Variants in SBK1 observed in about 807,000 individuals in gnomAD.
SBK1 encodes SH3 domain binding kinase 1, also known as serine/threonine-protein kinase SBK1.
SBK1 carries 11 observed loss-of-function variants against 24.4 expected under a neutral mutation model. The ratio of observed to expected loss-of-function variants is 0.45; its 90% CI spans 0.28 to 0.75. SBK1 has a LOEUF of 0.75. SBK1 is among the 30% of genes least tolerant of loss of function. The pLI is 0.12. For missense variants in SBK1, 467 were observed against 620.5 expected (o/e 0.75, Z 2.63); for synonymous variants, 308 against 284.4 (o/e 1.08, Z -0.83).
chr16:28,280,149 A>ATATATATATGTGTGTGTGTGTGTGTGTG (rs1230385223), intron 1 of SBK1, among the ~76,000 whole-genome samples: 18 of 39,376 alleles, frequency 4.6e-4, no homozygotes, highest in Non-Finnish European at 9.8e-4. Flanking sequence ...ATATATATAT[A>ATATATATATGTGTGTGTGTGTGTGTGTG]TGTGTGTGTG....
intron 1 of SBK1, among the ~76,000 whole-genome samples, chr16:28,279,752 A>C (rs1347809055): frequency 6.6e-6 from 1 of 152,064 alleles, no homozygotes; most frequent in East Asian, 1.9e-4. Context: ...TCCTGAGTCC[A>C]GGGTCGGCAC....
intron 1 of SBK1, among the ~76,000 whole-genome samples, chr16:28,276,192 C>T (rs533828527): frequency 1.1e-4 from 16 of 152,148 alleles, no homozygotes; most frequent in Non-Finnish European, 2.4e-4. Flanking sequence ...GGGAAGTCAT[C>T]CCAGACCTTG....
At chr16:28,277,064 G>C (rs375157495) in intron 1 of SBK1, among the ~76,000 whole-genome samples, 2 of 152,136 alleles carry the variant, frequency 1.3e-5, no homozygotes, top group Admixed American at 6.6e-5. Flanking sequence ...ACTCAGAGCA[G>C]GTGAGGTGTG....
intron 1 of SBK1, among the ~76,000 whole-genome samples, chr16:28,281,849 G>A (rs992892801): frequency 6.6e-6 from 1 of 152,168 alleles, no homozygotes; most frequent in Non-Finnish European, 1.5e-5. Flanking sequence ...AGCCAGGTGG[G>A]TGTCCCAGGC....
intron 1 of SBK1, among the ~76,000 whole-genome samples, chr16:28,307,670 A>AT (rs2044726509): frequency 6.6e-6 from 1 of 150,378 alleles, no homozygotes; most frequent in Non-Finnish European, 1.5e-5. Context: ...AACCCGGGAG[A>AT]CAGAGGTTGC....
At chr16:28,295,511 C>A (rs759348546) in intron 1 of SBK1, among the ~76,000 whole-genome samples, 1 of 152,096 alleles carries the variant, frequency 6.6e-6, no homozygotes, top group South Asian at 2.1e-4. Flanking sequence ...TCTACATGTG[C>A]AGTGAGAGTT....
intron 1 of SBK1, among the ~76,000 whole-genome samples, chr16:28,265,204 G>T (rs2044420768): frequency 6.6e-6 from 1 of 151,814 alleles, no homozygotes; most frequent in Non-Finnish European, 1.5e-5. Flanking sequence ...ATCACTTAAG[G>T]CCAGGAGTTT....
rs73533413 is a variant in SBK1, at chr16:28,272,593, T to C, written c.257+13091T>C. ...CTTGAGTTTCATCTATGTTGTCACA[T>C]ATTTTTTTTCTTTCTTTCTTTCTTT... On this transcript the variant is annotated intron_variant, in intron 1 of 3. Transcript: ENST00000671413. 8.3e-3 allele frequency among the ~76,000 whole-genome samples: 1,245 copies of C among 150,740 alleles called. 12 individuals carry two copies. The highest frequency in any genetic ancestry group is 0.028 in the African/African-American group (1,125 of 40,780).
intron 1 of SBK1, among the ~76,000 whole-genome samples, chr16:28,272,619 CTTT>C (rs71140961): frequency 8.2e-4 from 87 of 105,962 alleles, no homozygotes; most frequent in Non-Finnish European, 1.5e-3. Flanking sequence ...TTCTTTCTTT[CTTT>C]TTTTTTTTTT....
At chr16:28,273,110 TA>T (rs1382296351) in intron 1 of SBK1, among the ~76,000 whole-genome samples, 1 of 151,094 alleles carries the variant, frequency 6.6e-6, no homozygotes, top group Non-Finnish European at 1.5e-5. Flanking sequence ...AGGGTCTCAT[TA>T]TGTTGCCCAG....
intron 1 of SBK1, among the ~76,000 whole-genome samples, chr16:28,316,142 G>A (rs2726039): frequency 0.31 from 46,969 of 151,992 alleles, 8,728 homozygotes; most frequent in South Asian, 0.59. Flanking sequence ...CTGCAGTGGG[G>A]GAGGCACTGC....
intron 1 of SBK1, among the ~76,000 whole-genome samples, chr16:28,271,233 C>A (rs1031514132): frequency 6.6e-6 from 1 of 152,002 alleles, no homozygotes; most frequent in African/African-American, 2.4e-5. Flanking sequence ...CCAAGTAAAA[C>A]AAGAAATAGT....
chr16:28,280,149 A>ATATGTGTGTGTGTGTGTGTGTGTGTGTG (rs1230385223), intron 1 of SBK1, among the ~76,000 whole-genome samples: 2 of 39,414 alleles, frequency 5.1e-5, no homozygotes, highest in East Asian at 5.0e-4. Context: ...ATATATATAT[A>ATATGTGTGTGTGTGTGTGTGTGTGTGTG]TGTGTGTGTG....
Position 28,273,022 on chromosome 16 carries a change from G to A in SBK1, c.257+13520G>A, listed in dbSNP as rs565113670. Reference sequence around the variant, plus strand: ...CCCATTTGGGTTATTTCTACATTTGGCTATTGTGAATATTGTTGTAAAGAA... The same window carrying A: ...CCCATTTGGGTTATTTCTACATTTGACTATTGTGAATATTGTTGTAAAGAA... On this transcript the variant is annotated intron_variant, in intron 1 of 3. Transcript: ENST00000671413. Among the ~76,000 whole-genome samples, 5 of 151,936 alleles carry A rather than the reference G, an allele frequency of 3.3e-5. No individual in the cohort carries two copies. In the South Asian group the frequency reaches 1.0e-3, roughly 32 times the overall value.
At chr16:28,315,374 A>G (rs906875821) in intron 1 of SBK1, among the ~76,000 whole-genome samples, 2 of 152,172 alleles carry the variant, frequency 1.3e-5, no homozygotes, top group Non-Finnish European at 2.9e-5. Flanking sequence ...AACACCAAAT[A>G]TACCTCAATA....
At chr16:28,275,603 G>A (rs902727576) in intron 1 of SBK1, among the ~76,000 whole-genome samples, 5 of 152,108 alleles carry the variant, frequency 3.3e-5, no homozygotes, top group African/African-American at 1.2e-4. Context: ...AGGGGGTCCC[G>A]GTGCAGTGGC....
chr16:28,317,412 G>A lies in SBK1; in HGVS notation c.21G>A (p.Glu7=). The change falls in exon 2 of 4, where the codon GAG becomes GAA. Residue 7 remains glutamate (E), a synonymous_variant. Coordinates refer to ENST00000341901, the MANE Select transcript of SBK1 (RefSeq NM_001024401.3). This position sits in a 1 kb window ranked among gnomAD's most constrained non-coding sequence, Gnocchi z 4.2. ...AGAAGATGAGCGTGGGCTGCCCAGA[G>A]CCTGAGCCGCCCCGCTCCCTGACCT... MSVGCP[E]PEPPRSLTCC... 1.2e-6 allele frequency: 2 copies of A among 1,613,934 alleles called. No homozygotes were observed. Among genetic ancestry groups the A allele is most frequent in the Non-Finnish European group, 1.7e-6 (2 of 1,179,920 alleles).
chr16:28,277,002 C>T lies in SBK1; in HGVS notation c.257+17500C>T, dbSNP rs375767141. 2.6e-5 allele frequency among the ~76,000 whole-genome samples: 4 copies of T among 152,028 alleles called. No homozygotes were observed. The East Asian group carries it at 7.8e-4, about 29-fold the overall frequency. ...TGATGCCTGCAGGTACCAGGGCAAG[C>T]GATGAAGAGGATAGAAGGGCAGAGC... is the stretch of plus-strand genomic sequence containing the variant. On this transcript the variant is annotated intron_variant, in intron 1 of 3. Coordinates refer to the SBK1 transcript ENST00000671413.
At position 28,269,425 on chromosome 16, in the gene SBK1, G is replaced by A. The variant is rs183328902; in HGVS notation, c.257+9923G>A. On this transcript the variant is annotated intron_variant, in intron 1 of 3. Coordinates refer to the SBK1 transcript ENST00000671413. ...GAAAGAAAGGGTATGAAGATTAGAG[G>A]ATCAGTGCAGGCATCCCACATCTGA... Among the ~76,000 whole-genome samples, 433 of 152,196 alleles carry A rather than the reference G, an allele frequency of 2.8e-3. 1 individual carries two copies. Among genetic ancestry groups the A allele is most frequent in the Non-Finnish European group, 3.3e-3 (225 of 68,018 alleles).
Sources: gnomAD v4.1 joint callset for allele counts (sites outside exome capture counted in the v4.1 genomes callset) on GRCh38, gnomAD v4.1.1 for gene constraint, Gnocchi (gnomAD v3.1) non-coding constraint, MANE v1.5 for transcripts, NCBI Gene and HGNC (gene_info 2026-07-23, HGNC 2026-07-21) for gene names.